MYO9A: variants seen among roughly 807,000 people sequenced by gnomAD.
The protein encoded by MYO9A is myosin IXA, also known as unconventional myosin-IXa.
MYO9A carries 103 observed loss-of-function variants against 293.3 expected under a neutral mutation model. The observed-to-expected ratio is 0.35, with a 90% CI of 0.30 to 0.41. MYO9A has a LOEUF of 0.41. Among genes scored for constraint, MYO9A ranks in the 10% least tolerant of loss-of-function variants. The pLI is 1.00. For missense variants in MYO9A, 2,685 were observed against 3,033.0 expected, an observed-to-expected ratio of 0.89 and a Z score of 2.69; for synonymous variants, 1,001 against 1,035.7, an observed-to-expected ratio of 0.97 and a Z score of 0.64.
chr15:71,898,373 G>A lies in MYO9A; in HGVS notation c.4130C>T (p.Ser1377Leu). Reference protein sequence around the residue: ...FDSRDNALSASNETSSAEHLK... With the variant: ...FDSRDNALSALNETSSAEHLK... ...ATGCTCTGCACTGCTAGTCTCATTT[G>A]AGGCACTGAGGGCATTGTCCCGTGA... is the stretch of plus-strand genomic sequence containing the variant. The change falls in exon 25 of 42, where the codon TCA (serine) becomes TTA (leucine). Residue 1377 changes from serine (S) to leucine (L), a missense_variant. Physicochemically the swap from Ser to Leu is moderately radical, Grantham distance 145 (BLOSUM62 -2). Coordinates refer to ENST00000356056, the MANE Select transcript of MYO9A (RefSeq NM_006901.4). The A allele has an allele frequency of 6.2e-7, 1 of 1,613,470 alleles. No individual in the cohort carries two copies.
intron 27 of MYO9A, among the ~76,000 whole-genome samples, chr15:71,885,520 C>T (rs549515215): frequency 6.6e-6 from 1 of 152,168 alleles, no homozygotes; most frequent in Non-Finnish European, 1.5e-5. Context: ...TGAAAAAAAT[C>T]TCTCCCAGAG....
chr15:71,951,437 G>T lies in MYO9A; in HGVS notation c.2302+340C>A, dbSNP rs559925904. Among the ~76,000 whole-genome samples the T allele has an allele frequency of 3.6e-4, 50 of 140,628 alleles. 1 individual carries two copies. In the South Asian group the frequency reaches 5.3e-3, roughly 15 times the overall value. 92.3% of individuals were successfully genotyped at this position (140,628 alleles called of 152,430 possible). On this transcript the variant is annotated intron_variant, in intron 15 of 41. Coordinates refer to ENST00000356056, the MANE Select transcript of MYO9A (RefSeq NM_006901.4). ...ATTAGACCTCAATAAAGTTTTTTTT[G>T]TTGTTTTTTTTTTTATGAGCAGGAA...
In MYO9A at chr15:71,959,884, T is replaced by A; in HGVS notation, c.2182+17A>T. The A allele has an allele frequency of 1.3e-6, 2 of 1,517,190 alleles. No homozygotes were observed. The highest frequency in any genetic ancestry group is 1.8e-6 in the Non-Finnish European group (2 of 1,098,166). The allele number at this position is 1,517,190 out of a possible 1,614,324, so 94.0% of individuals were successfully genotyped here. On this transcript the variant is annotated intron_variant, in intron 14 of 41. Transcript: ENST00000356056. ...AAAAAGATGAAGTATGGTAGAATACTAATAACTACTACTTACCAGTTTTTC... is the reference window on the plus strand; with the variant it reads ...AAAAAGATGAAGTATGGTAGAATACAAATAACTACTACTTACCAGTTTTTC...
intron 18 of MYO9A, among the ~76,000 whole-genome samples, chr15:71,921,527 G>T (rs2058155191): frequency 6.6e-6 from 1 of 152,136 alleles, no homozygotes; most frequent in Non-Finnish European, 1.5e-5. Flanking sequence ...CTTAAATAGA[G>T]AACTTAGTCT....
At chr15:71,846,555 T>C (rs1257181595) in intron 39 of MYO9A, among the ~76,000 whole-genome samples, 1 of 152,142 alleles carries the variant, frequency 6.6e-6, no homozygotes. Flanking sequence ...TTTTTGAAAA[T>C]TATAGAATTG....
Position 72,020,918 on chromosome 15 carries a change from C to A in MYO9A, c.1098G>T (p.Gln366His). The A allele has an allele frequency of 2.6e-6, 4 of 1,510,334 alleles. No individual in the cohort carries two copies. Among genetic ancestry groups the A allele is most frequent in the South Asian group, 2.7e-5 (2 of 73,908 alleles). 93.6% of individuals were successfully genotyped at this position (1,510,334 alleles called of 1,614,324 possible). Reference sequence around the variant, plus strand: ...CAAAATGCTTTTTATGAACTCTCACCTGATTGAGATAATGATATTCCTCTG... The same window carrying A: ...CAAAATGCTTTTTATGAACTCTCACATGATTGAGATAATGATATTCCTCTG... ...KQPEEYHYLN[Q>H]ITKKPLRQSW... The change falls in exon 5 of 42, where the codon CAG (glutamine) becomes CAT (histidine). Residue 366 changes from glutamine to histidine, a missense_variant and splice_region_variant. Around this residue, in one of 10 missense-constraint regions of MYO9A, gnomAD observed 289 missense variants for 456.8 expected, o/e 0.63. Transcript: ENST00000356056.
At chr15:71,867,476 C>T (rs979263331) in intron 32 of MYO9A, among the ~76,000 whole-genome samples, 1 of 151,784 alleles carries the variant, frequency 6.6e-6, no homozygotes, top group Non-Finnish European at 1.5e-5. Flanking sequence ...GGAAAACATA[C>T]TTTCAACTTA....
At chr15:71,886,567 T>A (rs531851813) in intron 27 of MYO9A, among the ~76,000 whole-genome samples, 1 of 152,274 alleles carries the variant, frequency 6.6e-6, no homozygotes, top group South Asian at 2.1e-4. Context: ...AAATTTCTTG[T>A]TCTGCTATAA....
At chr15:71,903,403 T>C (rs1193893088) in intron 21 of MYO9A, among the ~76,000 whole-genome samples, 1 of 152,114 alleles carries the variant, frequency 6.6e-6, no homozygotes, top group African/African-American at 2.4e-5. Context: ...CGTGGCAGGA[T>C]GGGGACAGGG....
At chr15:71,956,330 A>AAAAATATATATATATATAT (rs10642655) in intron 14 of MYO9A, among the ~76,000 whole-genome samples, 14 of 75,574 alleles carry the variant, frequency 1.9e-4, no homozygotes, top group African/African-American at 6.6e-4. Flanking sequence ...AAAAAAAAAA[A>AAAAATATATATATATATAT]ATATATATAT....
intron 16 of MYO9A, among the ~76,000 whole-genome samples, chr15:71,936,946 A>G (rs149598130): frequency 0.013 from 1,936 of 151,736 alleles, 27 homozygotes; most frequent in African/African-American, 0.02. Flanking sequence ...AGAAAAAAAA[A>G]AAAGAAAACA....
intron 10 of MYO9A, among the ~76,000 whole-genome samples, chr15:71,991,930 A>G (rs2076552600): frequency 6.6e-6 from 1 of 152,014 alleles, no homozygotes; most frequent in Non-Finnish European, 1.5e-5. Context: ...AATTTTTTGT[A>G]TTTTTGGTAG....
chr15:72,075,335 G>A (rs998209186), intron 1 of MYO9A, among the ~76,000 whole-genome samples: 1 of 151,986 alleles, frequency 6.6e-6, no homozygotes, highest in Non-Finnish European at 1.5e-5. Context: ...ATGAAAATGT[G>A]ACTTATAGGC....
intron 12 of MYO9A, among the ~76,000 whole-genome samples, chr15:71,971,685 G>A (rs1288828523): frequency 6.6e-6 from 1 of 151,538 alleles, no homozygotes; most frequent in Admixed American, 6.6e-5. Context: ...ACATCATCAT[G>A]TACCATTGTC....
intron 26 of MYO9A, chr15:71,888,738 G>C (rs1398745944): frequency 6.6e-6 from 1 of 152,194 alleles, no homozygotes; most frequent in African/African-American, 2.4e-5. Flanking sequence ...GTTCTGAGGA[G>C]AGAATTTCTT....
chr15:71,942,828 GCTTA>G (rs979602871), intron 15 of MYO9A, among the ~76,000 whole-genome samples: 2 of 151,734 alleles, frequency 1.3e-5, no homozygotes, highest in African/African-American at 4.8e-5. Flanking sequence ...TAAAATTGTT[GCTTA>G]TTTAGCTTTA....
intron 11 of MYO9A, among the ~76,000 whole-genome samples, chr15:71,990,733 G>A (rs1277210348): frequency 2.7e-5 from 4 of 150,130 alleles, no homozygotes; most frequent in Non-Finnish European, 5.9e-5. Context: ...CTCCAGCCTG[G>A]GCGACAGAGC....
At chr15:72,015,448 A>G (rs746460213) in intron 6 of MYO9A, among the ~76,000 whole-genome samples, 4 of 152,166 alleles carry the variant, frequency 2.6e-5, no homozygotes, top group Non-Finnish European at 4.4e-5. Context: ...AGATTTATAG[A>G]TGTTTGGATT....
chr15:71,976,091 G>A (rs1331966751), intron 12 of MYO9A, among the ~76,000 whole-genome samples: 1 of 152,200 alleles, frequency 6.6e-6, no homozygotes. Context: ...GGGGTCTGAA[G>A]GTGGGGTGAG....
Sources: gnomAD v4.1 joint callset for allele counts (sites outside exome capture counted in the v4.1 genomes callset) on GRCh38, gnomAD v4.1.1 for gene constraint, gnomAD v4.1.1 regional missense constraint, MANE v1.5 for transcripts, NCBI Gene and HGNC (gene_info 2026-07-23, HGNC 2026-07-21) for gene names.